Variants in MS4A15 observed in about 807,000 individuals in gnomAD.
MS4A15 encodes membrane spanning 4-domains A15, also known as membrane-spanning 4-domains subfamily A member 15.
Under a neutral mutation model 20.6 loss-of-function variants are expected in MS4A15, and 22 were observed. The observed-to-expected ratio is 1.07, with a 90% CI of 0.76 to 1.52. MS4A15 has a LOEUF of 1.52. Among genes scored for constraint, MS4A15 ranks in the 40% most tolerant of loss-of-function variants. The pLI, the probability that MS4A15 is intolerant of heterozygous loss-of-function variation, is 0.00. For synonymous variants in MS4A15, 129 were observed against 129.3 expected, an observed-to-expected ratio of 1.00 and a Z score of 0.02; for missense variants, 312 against 323.0, an observed-to-expected ratio of 0.97 and a Z score of 0.26.
intron 1 of MS4A15, among the ~76,000 whole-genome samples, chr11:60,762,283 A>C (rs1380023327): frequency 6.6e-6 from 1 of 152,178 alleles, no homozygotes; most frequent in Non-Finnish European, 1.5e-5. Context: ...TGGCTGGGGG[A>C]TCAGCAGCTG....
At chr11:60,772,577 G>A (rs544500257) in intron 4 of MS4A15, among the ~76,000 whole-genome samples, 13 of 152,332 alleles carry the variant, frequency 8.5e-5, no homozygotes, top group Admixed American at 2.0e-4. Context: ...TTGTGAGGCT[G>A]TTCTGATCTC....
rs200750483 is a variant in MS4A15, at chr11:60,763,787, C to T, written c.54C>T (p.Asn18=). The T allele has an allele frequency of 2.0e-5, 32 of 1,612,378 alleles. No homozygotes were observed. Among genetic ancestry groups the T allele is most frequent in the East Asian group, 4.5e-5 (2 of 44,892 alleles). ...TGTTTGTTGTCATCCCGCCAAACAA[C>T]GCCAGTGGCCTCTGCCCACCTCCGG... The part of the protein sequence containing the change: ...NGVFVVIPPN[N]ASGLCPPPAI... Residue 18 remains asparagine, a synonymous_variant, in exon 2 of 7, where the codon AAC becomes AAT. Coordinates refer to ENST00000405633, the MANE Select transcript of MS4A15 (RefSeq NM_001098835.2).
intron 1 of MS4A15, among the ~76,000 whole-genome samples, chr11:60,762,624 C>A (rs1377626384): frequency 1.3e-5 from 2 of 152,116 alleles, no homozygotes; most frequent in Admixed American, 1.3e-4. Flanking sequence ...TATTTGTTTG[C>A]TAGGTATGTA....
In MS4A15 at chr11:60,758,566, A is replaced by G. The variant is rs1444830048; in HGVS notation, c.-29+1508A>G. On this transcript the variant is annotated intron_variant, in intron 1 of 6. Coordinates refer to ENST00000405633, the MANE Select transcript of MS4A15 (RefSeq NM_001098835.2). The stretch of plus-strand genomic sequence containing the variant: ...TTTTGCTGCAATAATGACCGGAACC[A>G]CATATTGTAATTGTGACCTAACCAG... Among the ~76,000 whole-genome samples the G allele has an allele frequency of 3.9e-5, 6 of 152,218 alleles. No homozygotes were observed. The East Asian group carries it at 1.2e-3, about 29-fold the overall frequency.
intron 2 of MS4A15, among the ~76,000 whole-genome samples, chr11:60,764,776 C>T (rs921754926): frequency 7.2e-5 from 11 of 151,994 alleles, no homozygotes; most frequent in Middle Eastern, 3.4e-3. Flanking sequence ...GGGTGTGGAG[C>T]CGTGTGCCTG....
intron 1 of MS4A15, among the ~76,000 whole-genome samples, chr11:60,762,700 C>T (rs1457953455): frequency 6.6e-6 from 1 of 152,156 alleles, no homozygotes; most frequent in Non-Finnish European, 1.5e-5. Flanking sequence ...GCTTACCTCG[C>T]TTTAAATAAC....
intron 2 of MS4A15, among the ~76,000 whole-genome samples, chr11:60,764,235 G>C (rs10792291): frequency 0.43 from 65,971 of 151,968 alleles, 14,864 homozygotes; most frequent in East Asian, 0.63. Context: ...GTGGAAACTT[G>C]TCTCTGGGGA....
At chr11:60,761,844 T>C (rs1356938974) in intron 1 of MS4A15, among the ~76,000 whole-genome samples, 1 of 152,234 alleles carries the variant, frequency 6.6e-6, no homozygotes, top group African/African-American at 2.4e-5. Context: ...GTTCCTAATA[T>C]AGAGCAGAAT....
intron 4 of MS4A15, 56 bp from the exon 5 acceptor site, chr11:60,773,336 C>A (rs1706575791): frequency 6.8e-7 from 1 of 1,478,056 alleles, no homozygotes; most frequent in Non-Finnish European, 9.2e-7. Context: ...ACAGCCCCTG[C>A]CTTTTCTCCT....
intron 2 of MS4A15, among the ~76,000 whole-genome samples, chr11:60,764,588 C>T (rs762998548): frequency 1.4e-4 from 22 of 152,140 alleles, no homozygotes; most frequent in Non-Finnish European, 2.6e-4. Flanking sequence ...CACATTTGCA[C>T]GTGTGTGTGT....
intron 5 of MS4A15, 46 bp from the exon 6 acceptor site, chr11:60,773,791 T>TA (rs917063203): frequency 6.5e-7 from 1 of 1,541,542 alleles, no homozygotes; most frequent in Non-Finnish European, 9.0e-7. Flanking sequence ...GGGACCCCCT[T>TA]ACTCTAGAAC....
intron 4 of MS4A15, among the ~76,000 whole-genome samples, chr11:60,772,812 A>G (rs1349755249): frequency 6.6e-6 from 1 of 151,916 alleles, no homozygotes; most frequent in African/African-American, 2.4e-5. Context: ...CGCTCTTTAG[A>G]CCCTGGAGTC....
intron 6 of MS4A15, among the ~76,000 whole-genome samples, chr11:60,775,066 G>A (rs969452943): frequency 3.9e-5 from 6 of 152,228 alleles, no homozygotes; most frequent in African/African-American, 9.6e-5. Flanking sequence ...CTGTAACCCC[G>A]GCACTTTGGG....
intron 1 of MS4A15, among the ~76,000 whole-genome samples, chr11:60,761,812 T>C (rs935975442): frequency 2.6e-5 from 4 of 152,252 alleles, no homozygotes; most frequent in Non-Finnish European, 5.9e-5. Flanking sequence ...CGCACTCTTA[T>C]ATACTTTTGT....
chr11:60,769,091 G>GA (rs764188834), intron 3 of MS4A15, among the ~76,000 whole-genome samples: 2 of 152,144 alleles, frequency 1.3e-5, no homozygotes, highest in East Asian at 1.9e-4. Flanking sequence ...AAACAAAGGG[G>GA]TCACTTTCCC....
rs1565066498 is a variant in MS4A15, at chr11:60,756,876, C to CA, written c.-209dup. ...GGACAGATGCTAGGGCAGGCTCTCA[C>CA]AAGGGCGGGCTCTCAGAAGAGCTGC... On this transcript the variant is annotated 5_prime_UTR_variant, in exon 1 of 7. Coordinates refer to ENST00000405633, the MANE Select transcript of MS4A15 (RefSeq NM_001098835.2). 1 of 152,232 alleles carries CA rather than the reference C, an allele frequency of 6.6e-6. No individual in the cohort carries two copies. Among genetic ancestry groups the CA allele is most frequent in the Non-Finnish European group, 1.5e-5 (1 of 68,042 alleles). 9.4% of individuals were successfully genotyped at this position (152,232 alleles called of 1,614,324 possible). A position where few individuals can be genotyped will look rare whatever the true frequency, so the allele number is the denominator to read the frequency against.
chr11:60,769,072 A>G (rs1450618488), intron 3 of MS4A15, among the ~76,000 whole-genome samples: 2 of 152,222 alleles, frequency 1.3e-5, no homozygotes, highest in Non-Finnish European at 2.9e-5. Context: ...GAGAAATCAC[A>G]ACAGGAAGAA....
intron 6 of MS4A15, among the ~76,000 whole-genome samples, chr11:60,774,711 A>G (rs906730267): frequency 6.6e-6 from 1 of 152,198 alleles, no homozygotes; most frequent in Non-Finnish European, 1.5e-5. Context: ...GATGACAGAA[A>G]GGGGCTGGAG....
At chr11:60,759,171 A>C (rs1853666168) in intron 1 of MS4A15, among the ~76,000 whole-genome samples, 1 of 152,250 alleles carries the variant, frequency 6.6e-6, no homozygotes, top group Non-Finnish European at 1.5e-5. Flanking sequence ...AGACAAAAGA[A>C]ACTCCATTTT....
Sources: allele counts gnomAD v4.1 joint callset (sites outside exome capture counted in the v4.1 genomes callset), GRCh38; gene constraint gnomAD v4.1.1; transcripts MANE v1.5; gene names NCBI Gene and HGNC (gene_info 2026-07-23, HGNC 2026-07-21).